The following NCAPG variants were observed in gnomAD, a reference collection of about 807,000 sequenced individuals.
The protein encoded by NCAPG is non-SMC condensin I complex subunit G.
A neutral mutation model predicts 113.1 loss-of-function variants in NCAPG; 69 were observed. That is an observed-to-expected ratio of 0.61 (90% CI 0.50 to 0.75). The LOEUF (loss-of-function observed/expected upper bound fraction) is 0.75, where lower values mean the gene tolerates loss of function less well. NCAPG is among the 30% of genes least tolerant of loss of function. NCAPG has a pLI of 0.00. For synonymous variants in NCAPG, 370 were observed against 415.8 expected, an observed-to-expected ratio of 0.89 and a Z score of 1.34; for missense variants, 1,058 against 1,177.0, an observed-to-expected ratio of 0.90 and a Z score of 1.48.
At chr4:17,825,645 C>G in intron 11 of NCAPG, 84 bp downstream of exon 11, 1 of 1,217,162 alleles carries the variant, frequency 8.2e-7, no homozygotes, top group South Asian at 1.5e-5. Flanking sequence ...TCTAGAATTG[C>G]CAAAATATAT....
chr4:17,840,498 C>CTA (rs1722311596), intron 18 of NCAPG, 109 bp from the exon 19 acceptor site: 5 of 671,252 alleles, frequency 7.4e-6, no homozygotes, highest in Non-Finnish European at 8.8e-6. Context: ...TCACTAGCTG[C>CTA]TAGAAGGACT....
In NCAPG at chr4:17,831,093, A is replaced by C. The variant is rs1721852738; in HGVS notation, c.1861A>C (p.Lys621Gln). 1.9e-6 allele frequency: 3 copies of C among 1,613,536 alleles called. No homozygotes were observed. The highest frequency in any genetic ancestry group is 2.7e-5 in the African/African-American group (2 of 75,014). The change falls in exon 13 of 21, where the codon AAA becomes CAA. Residue 621 changes from lysine (K) to glutamine (Q), a missense_variant. Lys to Gln is a moderately conservative substitution (Grantham distance 53, BLOSUM62 1). Coordinates refer to ENST00000251496, the MANE Select transcript of NCAPG (RefSeq NM_022346.5). Reference sequence around the variant, plus strand: ...ACTACAGAATCAGGATTTTGCAAGGAAACACTTCGTATTACTATTGCAGGT... The same window carrying C: ...ACTACAGAATCAGGATTTTGCAAGGCAACACTTCGTATTACTATTGCAGGT... ...CGLQNQDFAR[K>Q]HFVLLLQVLQ...
intron 14 of NCAPG, among the ~76,000 whole-genome samples, chr4:17,834,829 A>G (rs890576444): frequency 1.3e-5 from 2 of 152,176 alleles, no homozygotes; most frequent in African/African-American, 4.8e-5. Context: ...AAATTTGGAT[A>G]GACATTTTTT....
chr4:17,827,757 C>A (rs1577340722), intron 11 of NCAPG, among the ~76,000 whole-genome samples: 1 of 145,242 alleles, frequency 6.9e-6, no homozygotes, highest in Admixed American at 6.9e-5. Context: ...ACGAGGTTGT[C>A]AGGTTTTTTT....
chr4:17,826,426 C>T (rs965239176), intron 11 of NCAPG, among the ~76,000 whole-genome samples: 9 of 152,092 alleles, frequency 5.9e-5, no homozygotes, highest in African/African-American at 9.7e-5. Context: ...CTCCAACACC[C>T]ACCTTCCCAG....
At chr4:17,816,498 C>T (rs754643988) in intron 5 of NCAPG, among the ~76,000 whole-genome samples, 3 of 152,100 alleles carry the variant, frequency 2.0e-5, no homozygotes, top group Non-Finnish European at 4.4e-5. Context: ...GGCTCTATTG[C>T]GCTGTAGTGA....
At chr4:17,817,806 T>A in intron 6 of NCAPG, 133 bp from the exon 7 acceptor site, 1 of 863,152 alleles carries the variant, frequency 1.2e-6, no homozygotes, top group Non-Finnish European at 1.6e-6. Flanking sequence ...TTTGTGTGGA[T>A]ACATTAATGA....
Position 17,818,069 on chromosome 4 carries a change from T to C in NCAPG, c.1099T>C (p.Tyr367His), listed in dbSNP as rs547238098. 1 of 1,604,822 alleles carries C rather than the reference T, an allele frequency of 6.2e-7. No individual in the cohort carries two copies. The highest frequency in any genetic ancestry group is 1.7e-5 in the Admixed American group (1 of 57,490). ...GCAGATTTTGCCAGAGCCTGTAGTA[T>C]ATGCAGACTATTTATTGAGGTAAAT... ...LEQILPEPVV[Y>H]ADYLLSYIQS... The change falls in exon 7 of 21, where the codon TAT becomes CAT. Residue 367 changes from tyrosine (Y) to histidine (H), a missense_variant. Physicochemically the swap from Tyr to His is moderately conservative, Grantham distance 83 (BLOSUM62 2). Transcript: ENST00000251496.
chr4:17,817,417 G>A lies in NCAPG; in HGVS notation c.932G>A (p.Ser311Asn), dbSNP rs1389856305. The change falls in exon 6 of 21, where the codon AGT becomes AAT. Residue 311 changes from serine to asparagine, a missense_variant. Coordinates refer to ENST00000251496, the MANE Select transcript of NCAPG (RefSeq NM_022346.5). ...LNALFSITPL[S>N]ELVGLCKNND... is the part of the protein sequence containing the mutation. ...GCCTTGTTTTCAATAACTCCTCTCA[G>A]TGAACTGGTGGGACTCTGTAAAAAC... 1.2e-6 allele frequency: 2 copies of A among 1,613,966 alleles called. No homozygotes were observed. The highest frequency in any genetic ancestry group is 4.5e-5 in the East Asian group (2 of 44,882).
intron 5 of NCAPG, 54 bp from the exon 6 acceptor site, chr4:17,817,207 G>A: frequency 7.7e-7 from 1 of 1,302,448 alleles, no homozygotes; most frequent in Non-Finnish European, 1.1e-6. Context: ...CAAAATACAA[G>A]AGATGGAAGC....
intron 7 of NCAPG, among the ~76,000 whole-genome samples, chr4:17,820,687 TGGA>T (rs1721419959): frequency 6.6e-6 from 1 of 152,190 alleles, no homozygotes; most frequent in South Asian, 2.1e-4. Flanking sequence ...AGTGTCTTTT[TGGA>T]GGAACATGAC....
In NCAPG at chr4:17,815,377, T is replaced by C. The variant is rs1455296127; in HGVS notation, c.775+19T>C. 3 of 1,553,050 alleles carry C rather than the reference T, an allele frequency of 1.9e-6. No homozygotes were observed. The highest frequency in any genetic ancestry group is 2.6e-6 in the Non-Finnish European group (3 of 1,149,812). On this transcript the variant is annotated intron_variant, in intron 5 of 20. Coordinates refer to ENST00000251496, the MANE Select transcript of NCAPG (RefSeq NM_022346.5). ...AGATCAGGTAAGATAAACAACTTTA[T>C]ATATACAAAACTTTAGTAGATTTTG...
intron 7 of NCAPG, among the ~76,000 whole-genome samples, chr4:17,821,763 C>T (rs1401607427): frequency 1.3e-5 from 2 of 151,740 alleles, no homozygotes; most frequent in Non-Finnish European, 1.5e-5. Context: ...CTGTGCCCGG[C>T]GACATTTTTG....
At position 17,843,402 on chromosome 4, in the gene NCAPG, T is replaced by A. The variant is rs776694732; in HGVS notation, c.3025T>A (p.Phe1009Ile). ...AAAAAGTAAACTTAACCTTGCCCAA[T>A]TTCTCAATGAAGATCTAAGTTAGGA... ...LEKSKLNLAQ[F>I]LNEDLS Residue 1009 changes from phenylalanine to isoleucine, a missense_variant, in exon 21 of 21, where the codon TTT (phenylalanine) becomes ATT (isoleucine). Coordinates refer to ENST00000251496, the MANE Select transcript of NCAPG (RefSeq NM_022346.5). 6.2e-7 allele frequency: 1 copy of A among 1,611,554 alleles called. No individual in the cohort carries two copies. Among genetic ancestry groups the A allele is most frequent in the South Asian group, 1.1e-5 (1 of 90,998 alleles).
chr4:17,840,107 A>G lies in NCAPG; in HGVS notation c.2665A>G (p.Lys889Glu). The change falls in exon 18 of 21, where the codon AAA (lysine) becomes GAA (glutamate). Residue 889 changes from lysine to glutamate, a missense_variant. Transcript: ENST00000251496. ...KDRTCLRALE[K>E]IKIQLEKGNK... ...TAGGACATGTCTGAGAGCTTTGGAGAAAATCAAGATTCAGTTAGAAAAAGG... is the reference window on the plus strand; with the variant it reads ...TAGGACATGTCTGAGAGCTTTGGAGGAAATCAAGATTCAGTTAGAAAAAGG... The G allele has an allele frequency of 6.2e-7, 1 of 1,611,532 alleles. No individual in the cohort carries two copies. The highest frequency in any genetic ancestry group is 2.2e-5 in the East Asian group (1 of 44,768).
rs146598888 is a variant in NCAPG, at chr4:17,839,993, C to G, written c.2629-78C>G. ...CATATAATTTAGTGTTTTTAAACAA[C>G]TTGATATGTATTGGTACTATTTTCA... On this transcript the variant is annotated intron_variant, in intron 17 of 20. Transcript: ENST00000251496. 29 of 1,502,952 alleles carry G rather than the reference C, an allele frequency of 1.9e-5. No individual in the cohort carries two copies. The East Asian group carries it at 6.3e-4, about 33-fold the overall frequency. 93.1% of individuals were successfully genotyped at this position (1,502,952 alleles called of 1,614,324 possible). A position where few individuals can be genotyped will look rare whatever the true frequency, so the allele number is the denominator to read the frequency against.
intron 16 of NCAPG, among the ~76,000 whole-genome samples, chr4:17,839,471 T>C (rs1265236313): frequency 6.6e-6 from 1 of 152,102 alleles, no homozygotes; most frequent in East Asian, 1.9e-4. Context: ...GGAGTGGAAC[T>C]GGGCCCTATA....
In NCAPG at chr4:17,840,689, C is replaced by T. The variant is rs549786542; in HGVS notation, c.2850C>T (p.Asn950=). 90 of 1,527,922 alleles carry T rather than the reference C, an allele frequency of 5.9e-5. 1 individual carries two copies. In the South Asian group the frequency reaches 1.1e-3, roughly 19 times the overall value. 94.6% of individuals were successfully genotyped at this position (1,527,922 alleles called of 1,614,324 possible). A position where few individuals can be genotyped will look rare whatever the true frequency, so the allele number is the denominator to read the frequency against. ...QASKSTQLKT[N]RGQRKVTVSA... ...CAAAGTCTACTCAGCTAAAGACTAA[C>T]AGAGGTAGTGTGTGGATTGACCATC... Residue 950 remains asparagine, a synonymous_variant, in exon 19 of 21, where the codon AAC becomes AAT. Coordinates refer to ENST00000251496, the MANE Select transcript of NCAPG (RefSeq NM_022346.5).
rs750688828 is a variant in NCAPG, at chr4:17,815,281, C to A, written c.698C>A (p.Ala233Asp). Residue 233 changes from alanine (A) to aspartate (D), a missense_variant, in exon 5 of 21, where the codon GCT (alanine) becomes GAT (aspartate). Ala to Asp is a moderately radical substitution (Grantham distance 126). Transcript: ENST00000251496. ...AVRKLAYQVL[A>D]EKVHMRAMSI... ...TTATAAATTATTTTTAAGGTTTTAG[C>A]TGAAAAGGTTCATATGAGAGCTATG... 6.3e-7 allele frequency: 1 copy of A among 1,598,412 alleles called. No homozygotes were observed. The highest frequency in any genetic ancestry group is 8.5e-7 in the Non-Finnish European group (1 of 1,175,702).
Sources: gnomAD v4.1 joint callset for allele counts (sites outside exome capture counted in the v4.1 genomes callset) on GRCh38, gnomAD v4.1.1 for gene constraint, MANE v1.5 for transcripts, NCBI Gene and HGNC (gene_info 2026-07-23, HGNC 2026-07-21) for gene names.